The following CNBD1 variants were observed in gnomAD, a reference collection of about 807,000 sequenced individuals.
CNBD1 encodes cyclic nucleotide-binding domain-containing protein 1.
In CNBD1, 71 loss-of-function variants were observed where a neutral mutation model predicts 54.4. That is an observed-to-expected ratio of 1.30 (90% confidence interval 1.08 to 1.59). The LOEUF (loss-of-function observed/expected upper bound fraction) is 1.59. Among genes scored for constraint, CNBD1 ranks in the 40% most tolerant of loss-of-function variants. The probability of loss-of-function intolerance (pLI) is 0.00; values close to 1 mark genes in which losing one functional copy is unlikely to be tolerated. For missense variants in CNBD1, 659 were observed against 518.0 expected (o/e 1.27, Z -2.64); for synonymous variants, 182 against 170.7 (o/e 1.07, Z -0.51).
chr8:87,380,538 G>A (rs1254417051), intron 10 of CNBD1, among the ~76,000 whole-genome samples: 2 of 151,530 alleles, frequency 1.3e-5, no homozygotes, highest in African/African-American at 2.4e-5. Flanking sequence ...AAATTGTTTT[G>A]TCTATTTCTG....
At chr8:87,360,907 G>A (rs1390054802) in intron 10 of CNBD1, among the ~76,000 whole-genome samples, 1 of 151,816 alleles carries the variant, frequency 6.6e-6, no homozygotes, top group African/African-American at 2.4e-5. Flanking sequence ...AGTTTTTACT[G>A]CAGATATATC....
chr8:87,171,439 T>A (rs772332846), intron 4 of CNBD1, among the ~76,000 whole-genome samples: 34 of 151,694 alleles, frequency 2.2e-4, no homozygotes, highest in Non-Finnish European at 3.5e-4. Flanking sequence ...GGTTTGTCCA[T>A]TTTATCTTTA....
At chr8:87,371,829 G>T (rs1810810262) in intron 10 of CNBD1, among the ~76,000 whole-genome samples, 1 of 151,826 alleles carries the variant, frequency 6.6e-6, no homozygotes, top group Admixed American at 6.6e-5. Context: ...GTATTGACAG[G>T]ACATATCTCA....
At position 86,978,661 on chromosome 8, in the gene CNBD1, G is replaced by A. The variant is rs891152533; in HGVS notation, c.431+38907G>A. ...GGGTTCAAGCAATTCTCCTGCCTCAGCCTTCAGAGTAGCTGGGATAACAGG... is the reference window on the plus strand; with the variant it reads ...GGGTTCAAGCAATTCTCCTGCCTCAACCTTCAGAGTAGCTGGGATAACAGG... On this transcript the variant is annotated intron_variant, in intron 4 of 10. Transcript: ENST00000518476. Among the ~76,000 whole-genome samples, 4 of 147,738 alleles carry A rather than the reference G, an allele frequency of 2.7e-5. No homozygotes were observed. In the Admixed American group the frequency reaches 2.8e-4, roughly 10 times the overall value.
At chr8:87,364,146 C>T (rs1258203655) in intron 10 of CNBD1, among the ~76,000 whole-genome samples, 6 of 151,600 alleles carry the variant, frequency 4.0e-5, no homozygotes, top group Non-Finnish European at 8.8e-5. Flanking sequence ...TTTTGAACAT[C>T]TTGCTGACAT....
intron 4 of CNBD1, among the ~76,000 whole-genome samples, chr8:86,980,501 C>T (rs1808463654): frequency 6.6e-6 from 1 of 152,152 alleles, no homozygotes; most frequent in Admixed American, 6.5e-5. Context: ...CAAAATTCAC[C>T]AACTCAGGTG....
chr8:87,298,033 T>C (rs972338635), intron 8 of CNBD1, among the ~76,000 whole-genome samples: 2 of 151,790 alleles, frequency 1.3e-5, no homozygotes, highest in South Asian at 2.1e-4. Context: ...ATTATTAATA[T>C]AGATTTGTAT....
intron 2 of CNBD1, among the ~76,000 whole-genome samples, chr8:87,420,094 A>G (rs1046049417): frequency 6.6e-6 from 1 of 151,888 alleles, no homozygotes; most frequent in East Asian, 1.9e-4. Flanking sequence ...AAGTGTTAAT[A>G]TACCTTACCA....
intron 10 of CNBD1, among the ~76,000 whole-genome samples, chr8:87,364,710 A>C (rs1239162393): frequency 6.6e-6 from 1 of 151,700 alleles, no homozygotes; most frequent in African/African-American, 2.4e-5. Context: ...TGTTCTCATC[A>C]TTTAGCTCCC....
At chr8:87,421,419 C>T (rs1421956582) in intron 2 of CNBD1, among the ~76,000 whole-genome samples, 16 of 101,168 alleles carry the variant, frequency 1.6e-4, no homozygotes, top group South Asian at 4.1e-4. Context: ...TGCTCTCCCT[C>T]CCCCCCTCCC....
intron 10 of CNBD1, among the ~76,000 whole-genome samples, chr8:87,361,206 C>G (rs1265407052): frequency 1.3e-5 from 2 of 151,868 alleles, no homozygotes; most frequent in Non-Finnish European, 2.9e-5. Flanking sequence ...TTAAAAGCAT[C>G]TTCTCCTCTT....
At chr8:87,417,217 G>T (rs1807852733) in intron 2 of CNBD1, among the ~76,000 whole-genome samples, 1 of 151,978 alleles carries the variant, frequency 6.6e-6, no homozygotes, top group Non-Finnish European at 1.5e-5. Flanking sequence ...TTACATAGAT[G>T]CAGGCAAGAG....
In CNBD1 at chr8:87,351,717, G is replaced by A. The variant is rs748906234; in HGVS notation, c.1075G>A (p.Val359Met). Residue 359 changes from valine to methionine, a missense_variant, in exon 9 of 11, where the codon GTG (valine) becomes ATG (methionine). Transcript: ENST00000518476. ...GGAAAGTGGAAATATAATTTCTTTT[G>A]TGGGTTATATTAACTCTGGATGCTG... ...IVESGNIISF[V>M]GYINSGCCNI... 1.3e-6 allele frequency: 2 copies of A among 1,531,158 alleles called. No individual in the cohort carries two copies. Among genetic ancestry groups the A allele is most frequent in the South Asian group, 2.6e-5 (2 of 76,932 alleles). 94.8% of individuals were successfully genotyped at this position (1,531,158 alleles called of 1,614,324 possible).
At chr8:87,083,373 T>A (rs1370967646) in intron 4 of CNBD1, among the ~76,000 whole-genome samples, 3 of 152,234 alleles carry the variant, frequency 2.0e-5, no homozygotes, top group African/African-American at 7.2e-5. Flanking sequence ...ACATTTGTCA[T>A]CTATTACCTC....
intron 6 of CNBD1, among the ~76,000 whole-genome samples, chr8:87,241,697 C>G (rs1346030099): frequency 2.0e-5 from 3 of 152,010 alleles, no homozygotes; most frequent in Admixed American, 2.0e-4. Context: ...AGGGAATACA[C>G]AGTGATTAAA....
intron 4 of CNBD1, among the ~76,000 whole-genome samples, chr8:87,137,816 G>A (rs1812288901): frequency 6.6e-6 from 1 of 152,112 alleles, no homozygotes; most frequent in Non-Finnish European, 1.5e-5. Flanking sequence ...AAGGATCTCT[G>A]CTCCAGAGAG....
intron 8 of CNBD1, among the ~76,000 whole-genome samples, chr8:87,340,263 T>A (rs1810037968): frequency 1.3e-5 from 2 of 152,344 alleles, no homozygotes; most frequent in South Asian, 4.1e-4. Context: ...GGAGGTTTCC[T>A]AGTAGGTGAT....
chr8:86,961,141 A>G (rs1179561552), intron 4 of CNBD1, among the ~76,000 whole-genome samples: 2 of 152,244 alleles, frequency 1.3e-5, no homozygotes, highest in African/African-American at 2.4e-5. Context: ...TAAGTGTACA[A>G]ATAAACACAT....
At chr8:87,373,000 A>T (rs1337475341) in intron 10 of CNBD1, among the ~76,000 whole-genome samples, 1 of 151,706 alleles carries the variant, frequency 6.6e-6, no homozygotes, top group Non-Finnish European at 1.5e-5. Flanking sequence ...AAGTAGTTTT[A>T]ATTACATACT....
Sources: allele counts gnomAD v4.1 joint callset (sites outside exome capture counted in the v4.1 genomes callset), GRCh38; gene constraint gnomAD v4.1.1; transcripts MANE v1.5; gene names NCBI Gene and HGNC (gene_info 2026-07-23, HGNC 2026-07-21).